Variants in NYAP2 observed in about 807,000 individuals in gnomAD.
NYAP2 encodes the protein neuronal tyrosine-phosphorylated phosphoinositide-3-kinase adaptor 2.
NYAP2 carries 23 observed loss-of-function variants against 50.4 expected under a neutral mutation model. The ratio of observed to expected loss-of-function variants is 0.46; its 90% CI spans 0.33 to 0.65. The LOEUF (loss-of-function observed/expected upper bound fraction) is 0.65. NYAP2 is among the 30% of genes least tolerant of loss of function. The probability of loss-of-function intolerance (pLI) is 0.02; values close to 1 mark genes in which losing one functional copy is unlikely to be tolerated. For missense variants in NYAP2, 885 were observed against 861.0 expected (o/e 1.03, Z -0.35); for synonymous variants, 394 against 365.2 (o/e 1.08, Z -0.90).
At chr2:225,420,505 A>C (rs1201855833) in intron 3 of NYAP2, among the ~76,000 whole-genome samples, 1 of 152,214 alleles carries the variant, frequency 6.6e-6, no homozygotes, top group Admixed American at 6.5e-5. Context: ...GACAGGTTGA[A>C]GCTTCATATT....
intron 6 of NYAP2, among the ~76,000 whole-genome samples, chr2:225,638,149 C>G (rs979988115): frequency 9.7e-6 from 1 of 102,806 alleles, no homozygotes; most frequent in Non-Finnish European, 2.1e-5. Flanking sequence ...TAAACAGACT[C>G]GTGTGTTTGT....
At chr2:225,559,919 GGAGAA>G (rs1691843515) in intron 4 of NYAP2, among the ~76,000 whole-genome samples, 1 of 151,914 alleles carries the variant, frequency 6.6e-6, no homozygotes, top group Non-Finnish European at 1.5e-5. Flanking sequence ...TCATCCTGTT[GGAGAA>G]GATATTGCCT....
At chr2:225,513,744 G>A (rs1363986590) in intron 4 of NYAP2, 72 bp downstream of exon 4, 3 of 1,244,036 alleles carry the variant, frequency 2.4e-6, no homozygotes, top group Non-Finnish European at 3.2e-6. Context: ...ATGCCCAGGG[G>A]CAAGTGCCTT....
At chr2:225,676,049 A>G in the NYAP2 span, among the ~76,000 whole-genome samples, 5 of 152,098 alleles carry the variant, frequency 3.3e-5, no homozygotes, top group Non-Finnish European at 5.9e-5. Context: ...GATTCTGGAT[A>G]TTAGACCTTT....
intron 4 of NYAP2, among the ~76,000 whole-genome samples, chr2:225,536,252 C>T (rs1691348267): frequency 6.6e-6 from 1 of 152,172 alleles, no homozygotes; most frequent in African/African-American, 2.4e-5. Context: ...TCCTGTTCTC[C>T]CAAGGCGCTA....
At chr2:225,536,173 A>C (rs1044648151) in intron 4 of NYAP2, among the ~76,000 whole-genome samples, 1 of 152,198 alleles carries the variant, frequency 6.6e-6, no homozygotes, top group Non-Finnish European at 1.5e-5. Context: ...ATCTGGGATA[A>C]AGGCTACCCC....
chr2:225,592,158 G>A (rs894529863), intron 5 of NYAP2, among the ~76,000 whole-genome samples: 2 of 152,158 alleles, frequency 1.3e-5, no homozygotes, highest in African/African-American at 4.8e-5. Context: ...ATGCCTCTAA[G>A]CATAACTTAA....
chr2:225,602,288 A>C (rs1355785895), intron 5 of NYAP2, among the ~76,000 whole-genome samples: 3 of 152,212 alleles, frequency 2.0e-5, no homozygotes, highest in Non-Finnish European at 4.4e-5. Context: ...GCTCACGGTC[A>C]ATTACGGAGA....
intron 3 of NYAP2, among the ~76,000 whole-genome samples, chr2:225,425,312 G>C (rs1695270988): frequency 6.6e-6 from 1 of 152,174 alleles, no homozygotes; most frequent in Non-Finnish European, 1.5e-5. Flanking sequence ...GTTTCTGTGT[G>C]TGTGACTGTG....
At chr2:225,638,156 T>TGTG (rs1693456201) in intron 6 of NYAP2, among the ~76,000 whole-genome samples, 6 of 135,306 alleles carry the variant, frequency 4.4e-5, no homozygotes, top group Non-Finnish European at 7.9e-5. Flanking sequence ...ACTCGTGTGT[T>TGTG]TGTGTGTGTG....
intron 2 of NYAP2, among the ~76,000 whole-genome samples, chr2:225,405,053 G>T (rs1025353876): frequency 1.6e-4 from 25 of 152,012 alleles, no homozygotes; most frequent in African/African-American, 6.0e-4. Flanking sequence ...TCTAAATGAA[G>T]ACCATGGATG....
At chr2:225,566,035 G>T (rs907822140) in intron 4 of NYAP2, among the ~76,000 whole-genome samples, 1 of 152,114 alleles carries the variant, frequency 6.6e-6, no homozygotes, top group Non-Finnish European at 1.5e-5. Context: ...ACTTGGACAA[G>T]TAATTCAATT....
intron 6 of NYAP2, among the ~76,000 whole-genome samples, chr2:225,635,965 T>G (rs1204649454): frequency 6.6e-6 from 1 of 152,226 alleles, no homozygotes; most frequent in Non-Finnish European, 1.5e-5. Context: ...TGAGATTCAT[T>G]TATCTATTCC....
the NYAP2 span, chr2:225,701,538 T>C: frequency 2.0e-4 from 31 of 151,908 alleles, 1 homozygote; most frequent in African/African-American, 7.2e-4. Flanking sequence ...CTGCATTTAT[T>C]TCAATCGCAG....
At chr2:225,627,160 C>T in intron 6 of NYAP2, 34 bp downstream of exon 6, 1 of 1,470,934 alleles carries the variant, frequency 6.8e-7, no homozygotes, top group Non-Finnish European at 9.3e-7. Context: ...GAAGGTAATT[C>T]CTCCTGTCTC....
chr2:225,654,411 G>A (rs575298295), downstream of NYAP2, among the ~76,000 whole-genome samples: 96 of 152,202 alleles, frequency 6.3e-4, no homozygotes, highest in Non-Finnish European at 9.3e-4. Context: ...GGCCAGGTGC[G>A]GTGGCTCACA....
upstream of NYAP2, among the ~76,000 whole-genome samples, chr2:225,398,624 CAGAG>C (rs55932860): frequency 5.4e-5 from 8 of 149,278 alleles, no homozygotes; most frequent in African/African-American, 1.5e-4. Context: ...CTTCATAAGG[CAGAG>C]AGAGAGAGAG....
chr2:225,479,265 A>G (rs1690167462), intron 3 of NYAP2, among the ~76,000 whole-genome samples: 1 of 152,186 alleles, frequency 6.6e-6, no homozygotes, highest in Non-Finnish European at 1.5e-5. Context: ...ATCCCTTTGA[A>G]TTTGGTATAA....
chr2:225,597,683 G>A (rs937542387), intron 5 of NYAP2, among the ~76,000 whole-genome samples: 1 of 150,344 alleles, frequency 6.7e-6, no homozygotes, highest in Non-Finnish European at 1.5e-5. Flanking sequence ...CCCAGTAGTG[G>A]GAATGCTGGA....
Sources: gnomAD v4.1 joint callset for allele counts (sites outside exome capture counted in the v4.1 genomes callset) on GRCh38, gnomAD v4.1.1 for gene constraint, MANE v1.5 for transcripts, NCBI Gene and HGNC (gene_info 2026-07-23, HGNC 2026-07-21) for gene names.